CDH22: variants seen among roughly 807,000 people sequenced by gnomAD.
CDH22 encodes cadherin 22.
CDH22 carries 30 observed loss-of-function variants against 58.4 expected under a neutral mutation model. That is an observed-to-expected ratio of 0.51 (90% CI 0.38 to 0.70). The LOEUF (loss-of-function observed/expected upper bound fraction) is 0.70, where lower values mean the gene tolerates loss of function less well. CDH22 is among the 30% of genes least tolerant of loss of function. The probability of loss-of-function intolerance (pLI) is 0.00; values close to 1 mark genes in which losing one functional copy is unlikely to be tolerated. For missense variants in CDH22, 1,014 were observed against 1,233.9 expected (o/e 0.82, Z 2.67); for synonymous variants, 513 against 558.2 (o/e 0.92, Z 1.14).
At chr20:46,194,424 A>C (rs377655972) in intron 8 of CDH22, among the ~76,000 whole-genome samples, 3 of 152,146 alleles carry the variant, frequency 2.0e-5, no homozygotes, top group African/African-American at 7.2e-5. Context: ...TCCTTCTGAG[A>C]GGCATAGACT....
rs893697643 is a variant in CDH22, at chr20:46,300,446, G to T, written c.-400+7809C>A. On this transcript the variant is annotated intron_variant, in intron 1 of 11. Coordinates refer to ENST00000537909, the MANE Select transcript of CDH22 (RefSeq NM_021248.3). This position sits in a 1 kb window ranked among gnomAD's most constrained non-coding sequence, Gnocchi z 4.4. Reference sequence around the variant, plus strand: ...CGGGCCCATCCACCTTATGTCCCCCGCCTGCCTGGTGCCTGTCACTCTGCC... The same window carrying T: ...CGGGCCCATCCACCTTATGTCCCCCTCCTGCCTGGTGCCTGTCACTCTGCC... Among the ~76,000 whole-genome samples the T allele has an allele frequency of 6.6e-6, 1 of 152,022 alleles. No homozygotes were observed. The highest frequency in any genetic ancestry group is 2.4e-5 in the African/African-American group (1 of 41,364).
chr20:46,185,669 A>G (rs2085819998), intron 10 of CDH22, among the ~76,000 whole-genome samples: 1 of 151,712 alleles, frequency 6.6e-6, no homozygotes, highest in Admixed American at 6.6e-5. Flanking sequence ...GGAGCTCGAT[A>G]CCAGCCTGGG....
At chr20:46,307,823 G>A (rs1340693034) in intron 1 of CDH22, among the ~76,000 whole-genome samples, 1 of 152,040 alleles carries the variant, frequency 6.6e-6, no homozygotes, top group Non-Finnish European at 1.5e-5. Flanking sequence ...CGCTAGCAGG[G>A]TTGGGGGACC....
chr20:46,276,416 G>C (rs918588407), intron 1 of CDH22, among the ~76,000 whole-genome samples: 1 of 152,180 alleles, frequency 6.6e-6, no homozygotes. Flanking sequence ...TAGCTAGTCC[G>C]GCTGGGAGAA....
intron 5 of CDH22, among the ~76,000 whole-genome samples, chr20:46,214,765 G>C (rs1216256170): frequency 6.6e-6 from 1 of 152,194 alleles, no homozygotes; most frequent in Non-Finnish European, 1.5e-5. Flanking sequence ...AGACCTCCAG[G>C]CTCTGCTCCT....
At chr20:46,257,426 G>A (rs1380701427) in intron 1 of CDH22, among the ~76,000 whole-genome samples, 1 of 152,218 alleles carries the variant, frequency 6.6e-6, no homozygotes, top group East Asian at 1.9e-4. Context: ...TCAAGGGGGA[G>A]CAGCGGAGAT....
In CDH22 at chr20:46,216,756, C is replaced by A; in HGVS notation, c.838+70G>T. 1 of 1,423,152 alleles carries A rather than the reference C, an allele frequency of 7.0e-7. No individual in the cohort carries two copies. Among genetic ancestry groups the A allele is most frequent in the South Asian group, 1.2e-5 (1 of 82,434 alleles). The allele number at this position is 1,423,152 out of a possible 1,614,324, so 88.2% of individuals were successfully genotyped here. On this transcript the variant is annotated intron_variant, in intron 5 of 11. Transcript: ENST00000537909. This position sits in a 1 kb window ranked among gnomAD's most constrained non-coding sequence, Gnocchi z 5.3. ...GGGAAGTCTAAAGGGAAGCTGGGGT[C>A]AGCAGGTGGCTTGGATGGGGTAACA...
chr20:46,253,658 G>T (rs1003405414), intron 1 of CDH22, among the ~76,000 whole-genome samples: 18 of 152,192 alleles, frequency 1.2e-4, no homozygotes, highest in African/African-American at 4.1e-4. Context: ...GTCGTAATGA[G>T]ACTGGAGTTA....
chr20:46,281,950 T>C (rs2086552918), intron 1 of CDH22, among the ~76,000 whole-genome samples: 1 of 152,266 alleles, frequency 6.6e-6, no homozygotes, highest in African/African-American at 2.4e-5. Flanking sequence ...CTTTTACAGA[T>C]GACAGAATGC....
chr20:46,287,495 C>A (rs6104534), intron 1 of CDH22, among the ~76,000 whole-genome samples: 1 of 151,548 alleles, frequency 6.6e-6, no homozygotes, highest in Admixed American at 6.6e-5. Context: ...GTGGCGAGGG[C>A]GAGGGCAGCC....
chr20:46,265,564 T>C (rs2086455430), intron 1 of CDH22, among the ~76,000 whole-genome samples: 1 of 152,170 alleles, frequency 6.6e-6, no homozygotes, highest in Non-Finnish European at 1.5e-5. Flanking sequence ...CATTTCCTTA[T>C]TGTTTGTCTC....
At chr20:46,248,991 T>C (rs537203836) in intron 2 of CDH22, among the ~76,000 whole-genome samples, 2 of 152,286 alleles carry the variant, frequency 1.3e-5, no homozygotes, top group African/African-American at 4.8e-5. Context: ...GTACTTTATA[T>C]GGGAATAATA....
chr20:46,234,550 T>C (rs2086240862), intron 3 of CDH22, among the ~76,000 whole-genome samples: 2 of 152,222 alleles, frequency 1.3e-5, no homozygotes, highest in Admixed American at 6.5e-5. Context: ...ACCAAGACAG[T>C]CTTTTCCCAT....
rs1473949078 is a variant in CDH22 at position 46,174,162 on chromosome 20, C to G, written c.*344G>C. 1 of 336,804 alleles carries G rather than the reference C, an allele frequency of 3.0e-6. No homozygotes were observed. Among genetic ancestry groups the G allele is most frequent in the Non-Finnish European group, 5.3e-6 (1 of 187,154 alleles). 20.9% of individuals were successfully genotyped at this position (336,804 alleles called of 1,614,324 possible). A position where few individuals can be genotyped will look rare whatever the true frequency, so the allele number is the denominator to read the frequency against. ...GGGGTGGGGGCATCTCAGCGGCGTG[C>G]TCCCTCCAGCATTCTCCCCCAGGCC... On this transcript the variant is annotated 3_prime_UTR_variant, in exon 12 of 12. Coordinates refer to ENST00000537909, the MANE Select transcript of CDH22 (RefSeq NM_021248.3). The surrounding 1 kb of genome is among the most constrained non-coding windows in gnomAD (Gnocchi z 4.4).
intron 8 of CDH22, among the ~76,000 whole-genome samples, chr20:46,198,287 G>GACACACACACAC (rs368091518): frequency 3.3e-4 from 42 of 128,704 alleles, no homozygotes; most frequent in South Asian, 5.6e-4. Flanking sequence ...GCACCAAAAA[G>GACACACACACAC]ACACACACAC....
chr20:46,193,757 A>AG, intron 8 of CDH22, among the ~76,000 whole-genome samples: 1 of 152,240 alleles, frequency 6.6e-6, no homozygotes, highest in South Asian at 2.1e-4. Flanking sequence ...CTTTGCACAC[A>AG]GGGGGCTTTC....
At chr20:46,233,161 A>G (rs944271271) in intron 3 of CDH22, among the ~76,000 whole-genome samples, 30 of 152,156 alleles carry the variant, frequency 2.0e-4, no homozygotes, top group African/African-American at 7.2e-4. Flanking sequence ...CTAGGAGAGG[A>G]AGGTGAAGTT....
intron 4 of CDH22, among the ~76,000 whole-genome samples, chr20:46,218,512 G>A (rs553702183): frequency 3.3e-5 from 5 of 152,288 alleles, no homozygotes; most frequent in South Asian, 4.1e-4. Flanking sequence ...CACATGCAAC[G>A]TAGTTCACAC....
chr20:46,217,517 C>G (rs911990588), intron 4 of CDH22, among the ~76,000 whole-genome samples: 2 of 152,142 alleles, frequency 1.3e-5, no homozygotes, highest in African/African-American at 4.8e-5. Flanking sequence ...CTCACAAACA[C>G]ACACTCATAT....
Sources: gnomAD v4.1 joint callset for allele counts (sites outside exome capture counted in the v4.1 genomes callset) on GRCh38, gnomAD v4.1.1 for gene constraint, Gnocchi (gnomAD v3.1) non-coding constraint, MANE v1.5 for transcripts, NCBI Gene and HGNC (gene_info 2026-07-23, HGNC 2026-07-21) for gene names.